The following CA10 variants were observed in gnomAD, a reference collection of about 807,000 sequenced individuals.
The protein encoded by CA10 is carbonic anhydrase-related protein 10.
A neutral mutation model predicts 44.2 loss-of-function variants in CA10; 14 were observed. That is an observed-to-expected ratio of 0.32 (90% CI 0.21 to 0.50). CA10 has a LOEUF of 0.50. Ranked by LOEUF, CA10 falls within the 20% of genes least tolerant of loss-of-function variation. CA10 has a pLI of 0.99. For synonymous variants in CA10, 159 were observed against 141.6 expected (o/e 1.12, Z -0.87); for missense variants, 350 against 409.7 (o/e 0.85, Z 1.26).
intron 6 of CA10, 76 bp from the exon 7 acceptor site, chr17:51,636,085 C>CATATACAT (rs370275895): frequency 1.1e-5 from 8 of 750,536 alleles, no homozygotes; most frequent in African/African-American, 8.8e-5. Flanking sequence ...TACATACATA[C>CATATACAT]ATACATATAC....
intron 3 of CA10, among the ~76,000 whole-genome samples, chr17:51,855,691 T>G (rs1202035514): frequency 6.6e-6 from 1 of 152,236 alleles, no homozygotes; most frequent in African/African-American, 2.4e-5. Flanking sequence ...GGCTCGTCTC[T>G]TCAACATTCA....
chr17:51,840,885 C>T (rs1454040832), intron 3 of CA10, among the ~76,000 whole-genome samples: 5 of 152,204 alleles, frequency 3.3e-5, no homozygotes, highest in African/African-American at 1.2e-4. Context: ...AGGCAGACTT[C>T]AGGGAGAACA....
chr17:51,836,906 G>A (rs1341069255), intron 3 of CA10, among the ~76,000 whole-genome samples: 1 of 152,078 alleles, frequency 6.6e-6, no homozygotes, highest in Non-Finnish European at 1.5e-5. Context: ...AATTCTTAGT[G>A]TATATACTTA....
chr17:51,747,584 A>G, intron 4 of CA10, 49 bp downstream of exon 4: 1 of 1,477,682 alleles, frequency 6.8e-7, no homozygotes, highest in South Asian at 1.3e-5. Flanking sequence ...ACAGGCACCC[A>G]ATCTTATAAG....
At chr17:51,901,145 T>A (rs78046223) in intron 3 of CA10, among the ~76,000 whole-genome samples, 76 of 152,266 alleles carry the variant, frequency 5.0e-4, no homozygotes, top group African/African-American at 1.6e-3. Flanking sequence ...TGGGCTGATG[T>A]TCCTTTTTAT....
intron 4 of CA10, among the ~76,000 whole-genome samples, chr17:51,680,472 C>A (rs1298530370): frequency 6.6e-6 from 1 of 152,148 alleles, no homozygotes; most frequent in African/African-American, 2.4e-5. Context: ...ACATGTGTAT[C>A]CGTGAGCAAT....
At chr17:51,695,405 C>T (rs1286583007) in intron 4 of CA10, among the ~76,000 whole-genome samples, 1 of 151,852 alleles carries the variant, frequency 6.6e-6, no homozygotes, top group South Asian at 2.1e-4. Flanking sequence ...AGATGTATTA[C>T]TATATATGTG....
intron 1 of CA10, among the ~76,000 whole-genome samples, chr17:52,121,340 T>C (rs1031301525): frequency 2.0e-5 from 3 of 152,188 alleles, no homozygotes; most frequent in African/African-American, 7.2e-5. Flanking sequence ...CTGCTATTAT[T>C]GGCAAAACTG....
At chr17:51,894,654 C>G (rs1375373200) in intron 3 of CA10, among the ~76,000 whole-genome samples, 1 of 152,094 alleles carries the variant, frequency 6.6e-6, no homozygotes, top group Non-Finnish European at 1.5e-5. Flanking sequence ...GAATGCCACC[C>G]TGTTGACATC....
chr17:52,053,154 T>C (rs1048850685), intron 2 of CA10, among the ~76,000 whole-genome samples: 1 of 152,104 alleles, frequency 6.6e-6, no homozygotes, highest in African/African-American at 2.4e-5. Context: ...TTCACCAACT[T>C]GTCTCTTTAT....
At position 52,146,596 on chromosome 17, in the gene CA10, A is replaced by G. The variant is rs1230641905; in HGVS notation, c.61+11130T>C. Among the ~76,000 whole-genome samples the G allele has an allele frequency of 1.1e-4, 17 of 152,234 alleles. No homozygotes were observed. The South Asian group carries it at 3.5e-3, about 32-fold the overall frequency. The stretch of plus-strand genomic sequence containing the variant: ...TCCCAGCTACTCGGGAGGCTGAGGC[A>G]GGAGAATGGCGTGAACCCAGGAGGC... On this transcript the variant is annotated intron_variant, in intron 1 of 8. Coordinates refer to ENST00000451037, the MANE Select transcript of CA10 (RefSeq NM_020178.5).
intron 3 of CA10, among the ~76,000 whole-genome samples, chr17:51,801,729 A>T (rs1170526123): frequency 6.6e-6 from 1 of 152,018 alleles, no homozygotes; most frequent in African/African-American, 2.4e-5. Context: ...ACTTCATGAA[A>T]ATTATAGTGC....
intron 2 of CA10, among the ~76,000 whole-genome samples, chr17:52,009,235 C>T (rs1212108800): frequency 1.3e-5 from 2 of 151,772 alleles, no homozygotes; most frequent in Admixed American, 1.3e-4. Flanking sequence ...GTTTTCTATA[C>T]CATAAGACAG....
chr17:51,847,858 G>C (rs1322979185), intron 3 of CA10, among the ~76,000 whole-genome samples: 3 of 152,150 alleles, frequency 2.0e-5, no homozygotes, highest in South Asian at 2.1e-4. Context: ...CCTGAGACTT[G>C]TCTCCTCAAG....
intron 2 of CA10, among the ~76,000 whole-genome samples, chr17:52,056,196 A>T (rs569466606): frequency 9.9e-5 from 15 of 152,194 alleles, no homozygotes; most frequent in African/African-American, 3.6e-4. Flanking sequence ...AAGGAAGAGG[A>T]GGTGTCCAAA....
At chr17:52,134,714 A>G (rs546390368) in intron 1 of CA10, among the ~76,000 whole-genome samples, 1 of 152,220 alleles carries the variant, frequency 6.6e-6, no homozygotes, top group South Asian at 2.1e-4. Context: ...ACAACTGCAC[A>G]TCTGCCTCTT....
intron 3 of CA10, among the ~76,000 whole-genome samples, chr17:51,834,808 A>G (rs940274277): frequency 1.3e-5 from 2 of 152,250 alleles, no homozygotes; most frequent in Non-Finnish European, 2.9e-5. Flanking sequence ...ATGGTTGTCG[A>G]GGGAATTAAA....
At chr17:51,876,159 CGTTTT>C (rs1980064754) in intron 3 of CA10, among the ~76,000 whole-genome samples, 3 of 107,616 alleles carry the variant, frequency 2.8e-5, no homozygotes, top group South Asian at 2.9e-4. Flanking sequence ...TTTCTTCTCT[CGTTTT>C]TTTTTTTTTT....
At chr17:52,022,453 T>A (rs1986172666) in intron 2 of CA10, among the ~76,000 whole-genome samples, 1 of 152,062 alleles carries the variant, frequency 6.6e-6, no homozygotes, top group South Asian at 2.1e-4. Context: ...GGAATGTATC[T>A]CAAAATTATT....
Sources: allele counts gnomAD v4.1 joint callset (sites outside exome capture counted in the v4.1 genomes callset), GRCh38; gene constraint gnomAD v4.1.1; transcripts MANE v1.5; gene names NCBI Gene and HGNC (gene_info 2026-07-23, HGNC 2026-07-21).